Variants in COL25A1 observed in about 807,000 individuals in gnomAD.
COL25A1 encodes collagen type XXV alpha 1 chain.
A neutral mutation model predicts 128.4 loss-of-function variants in COL25A1; 103 were observed. The observed-to-expected ratio is 0.80, with a 90% CI of 0.68 to 0.94. The LOEUF is 0.94. COL25A1 is among the 40% of genes least tolerant of loss of function. The probability of loss-of-function intolerance (pLI) is 0.00; values close to 1 mark genes in which losing one functional copy is unlikely to be tolerated. For missense variants in COL25A1, 745 were observed against 840.0 expected, an observed-to-expected ratio of 0.89 and a Z score of 1.40; for synonymous variants, 279 against 277.2, an observed-to-expected ratio of 1.01 and a Z score of -0.06.
chr4:108,941,697 T>C (rs1748117043), intron 8 of COL25A1, among the ~76,000 whole-genome samples: 1 of 152,148 alleles, frequency 6.6e-6, no homozygotes, highest in South Asian at 2.1e-4. Flanking sequence ...ACTGTGGATG[T>C]TGGACCTTTT....
intron 26 of COL25A1, among the ~76,000 whole-genome samples, chr4:108,850,502 G>A (rs930021965): frequency 2.0e-5 from 3 of 152,098 alleles, no homozygotes; most frequent in African/African-American, 7.2e-5. Context: ...TACTGGGAAG[G>A]ATGGCAAGGG....
chr4:109,068,031 C>G (rs1324971919), intron 3 of COL25A1, among the ~76,000 whole-genome samples: 1 of 152,124 alleles, frequency 6.6e-6, no homozygotes, highest in Non-Finnish European at 1.5e-5. Flanking sequence ...ACACAATAAC[C>G]AGAAGTCTAC....
At chr4:109,057,006 C>CAT (rs1761507752) in intron 3 of COL25A1, among the ~76,000 whole-genome samples, 1 of 152,134 alleles carries the variant, frequency 6.6e-6, no homozygotes, top group Non-Finnish European at 1.5e-5. Context: ...GCTACAGGCA[C>CAT]ATACCACCAC....
chr4:109,168,693 G>T (rs188338722), intron 3 of COL25A1, among the ~76,000 whole-genome samples: 171 of 152,202 alleles, frequency 1.1e-3, no homozygotes, highest in African/African-American at 3.9e-3. Context: ...TCAGGGCCAT[G>T]CCAAAAGTTT....
intron 4 of COL25A1, 118 bp from the exon 5 acceptor site, chr4:109,048,293 G>GT: frequency 2.1e-6 from 2 of 974,394 alleles, no homozygotes; most frequent in Non-Finnish European, 3.1e-6. Context: ...AGACATGGAA[G>GT]TTTTTTTAAA....
intron 13 of COL25A1, among the ~76,000 whole-genome samples, chr4:108,908,642 C>T (rs1242797209): frequency 6.6e-6 from 1 of 152,142 alleles, no homozygotes; most frequent in Non-Finnish European, 1.5e-5. Context: ...CTCATCTTGC[C>T]CGCTGCCCAG....
At chr4:108,885,147 A>G (rs193219736) in intron 18 of COL25A1, among the ~76,000 whole-genome samples, 14 of 152,302 alleles carry the variant, frequency 9.2e-5, no homozygotes, top group Admixed American at 7.2e-4. Flanking sequence ...CAACTATACT[A>G]AAAGACACAG....
chr4:109,226,453 A>G (rs1778809294), intron 3 of COL25A1, among the ~76,000 whole-genome samples: 2 of 152,312 alleles, frequency 1.3e-5, no homozygotes, highest in East Asian at 1.9e-4. Context: ...CAGCGATTTA[A>G]TGAAAAGCAC....
At chr4:109,146,267 C>T (rs1423519186) in intron 3 of COL25A1, among the ~76,000 whole-genome samples, 1 of 152,044 alleles carries the variant, frequency 6.6e-6, no homozygotes, top group Non-Finnish European at 1.5e-5. Flanking sequence ...TACTAACACC[C>T]CTCATAATTA....
At chr4:109,041,497 A>G (rs576246508) in intron 5 of COL25A1, among the ~76,000 whole-genome samples, 1 of 151,620 alleles carries the variant, frequency 6.6e-6, no homozygotes, top group Non-Finnish European at 1.5e-5. Context: ...TGATACACCA[A>G]TGTATGTTTC....
intron 5 of COL25A1, among the ~76,000 whole-genome samples, chr4:109,011,649 A>C (rs896902929): frequency 6.6e-6 from 1 of 152,254 alleles, no homozygotes; most frequent in African/African-American, 2.4e-5. Flanking sequence ...TAAAGGTCAC[A>C]ACTTATATAA....
At chr4:108,842,599 T>C (rs1000500852) in intron 30 of COL25A1, among the ~76,000 whole-genome samples, 1 of 152,212 alleles carries the variant, frequency 6.6e-6, no homozygotes, top group South Asian at 2.1e-4. Context: ...GTTACATATG[T>C]CCACATTAGA....
At chr4:108,905,853 G>A (rs532278400) in intron 13 of COL25A1, among the ~76,000 whole-genome samples, 3 of 151,466 alleles carry the variant, frequency 2.0e-5, no homozygotes, top group Non-Finnish European at 4.4e-5. Context: ...AGTATGTCGG[G>A]GGGGGGTGCG....
chr4:109,269,919 A>G (rs1424731583), intron 3 of COL25A1, among the ~76,000 whole-genome samples: 1 of 152,192 alleles, frequency 6.6e-6, no homozygotes, highest in African/African-American at 2.4e-5. Flanking sequence ...TTCAATACAC[A>G]CAAATCAATA....
intron 3 of COL25A1, among the ~76,000 whole-genome samples, chr4:109,080,045 G>A (rs1684734809): frequency 6.6e-6 from 1 of 152,072 alleles, no homozygotes; most frequent in African/African-American, 2.4e-5. Flanking sequence ...TTTGCAAACT[G>A]TCATCACCAA....
chr4:108,888,630 T>A (rs182757682), intron 18 of COL25A1, among the ~76,000 whole-genome samples: 1 of 152,310 alleles, frequency 6.6e-6, no homozygotes, highest in East Asian at 1.9e-4. Flanking sequence ...CAAAAACTAA[T>A]GTATCCATAA....
At chr4:108,962,400 T>C (rs550860065) in intron 8 of COL25A1, among the ~76,000 whole-genome samples, 26 of 152,122 alleles carry the variant, frequency 1.7e-4, no homozygotes, top group African/African-American at 6.0e-4. Context: ...AGGATGGTCT[T>C]GATCTCCTGA....
At chr4:109,011,960 C>T (rs1265278608) in intron 5 of COL25A1, among the ~76,000 whole-genome samples, 2 of 152,200 alleles carry the variant, frequency 1.3e-5, no homozygotes, top group Admixed American at 6.5e-5. Context: ...AGGGTAATAG[C>T]TCTAAAATCA....
intron 3 of COL25A1, among the ~76,000 whole-genome samples, chr4:109,122,835 G>A (rs76662861): frequency 0.057 from 8,612 of 152,044 alleles, 430 homozygotes; most frequent in African/African-American, 0.13. Flanking sequence ...TGAACATAGA[G>A]AAATATACTT....
Sources: allele counts gnomAD v4.1 joint callset (sites outside exome capture counted in the v4.1 genomes callset), GRCh38; gene constraint gnomAD v4.1.1; transcripts MANE v1.5; gene names NCBI Gene and HGNC (gene_info 2026-07-23, HGNC 2026-07-21).